Variants in PALM observed in about 807,000 individuals in gnomAD.
PALM encodes the protein paralemmin-1.
Under a neutral mutation model 30.7 loss-of-function variants are expected in PALM, and 18 were observed. The observed-to-expected ratio is 0.59, with a 90% CI of 0.41 to 0.87. The LOEUF is 0.87. PALM is among the 40% of genes least tolerant of loss of function. The probability of loss-of-function intolerance (pLI) is 0.00; values close to 1 mark genes in which losing one functional copy is unlikely to be tolerated. For missense variants in PALM, 529 were observed against 555.4 expected (o/e 0.95, Z 0.48); for synonymous variants, 286 against 242.8 (o/e 1.18, Z -1.66).
intron 7 of PALM, among the ~76,000 whole-genome samples, chr19:738,261 T>G (rs886165730): frequency 1.2e-4 from 19 of 152,042 alleles, no homozygotes; most frequent in Admixed American, 7.2e-4. Context: ...GCGTGGTGGC[T>G]CACCCCTGTA....
rs1321412432 is a variant in PALM at position 741,450 on chromosome 19, C to CG, written c.634+970dup. ...GACGGGCTGCAGGGGTGAGGGGAGA[C>CG]GGGCTGCAGGGGTGAGGGGAGACGG... On this transcript the variant is annotated intron_variant, in intron 8 of 8. Transcript: ENST00000338448. Among the ~76,000 whole-genome samples, 77 of 118,408 alleles carry CG rather than the reference C, an allele frequency of 6.5e-4. 1 individual carries two copies. In the East Asian group the frequency reaches 6.5e-3, roughly 10 times the overall value. 77.7% of individuals were successfully genotyped at this position (118,408 alleles called of 152,430 possible). A position where few individuals can be genotyped will look rare whatever the true frequency, so the allele number is the denominator to read the frequency against.
chr19:719,567 A>G (rs1190821755), intron 1 of PALM: 1 of 986,364 alleles, frequency 1.0e-6, no homozygotes, highest in African/African-American at 1.7e-5. Context: ...GACCCCCAGC[A>G]CCTGCCCTGG....
chr19:731,381 A>C, intron 5 of PALM, 136 bp downstream of exon 5: 41 of 840,316 alleles, frequency 4.9e-5, no homozygotes, highest in Non-Finnish European at 7.0e-5. Context: ...TTTCCAGCTC[A>C]CCGGAGCCAC....
chr19:742,099 A>G lies in PALM; in HGVS notation c.634+1616A>G, dbSNP rs8113525. 1.9e-4 allele frequency among the ~76,000 whole-genome samples: 29 copies of G among 152,074 alleles called. No individual in the cohort carries two copies. The highest frequency in any genetic ancestry group is 6.3e-4 in the African/African-American group (26 of 41,436). On this transcript the variant is annotated intron_variant, in intron 8 of 8. Transcript: ENST00000338448. The surrounding 1 kb of genome is among the most constrained non-coding windows in gnomAD (Gnocchi z 5.5). ...CTGGGCCCGGGACATTGAGGCTGCA[A>G]TGAGCTATGATGGCACCCCTGCACT...
intron 1 of PALM, among the ~76,000 whole-genome samples, chr19:718,416 T>C (rs755624957): frequency 3.3e-5 from 5 of 151,804 alleles, no homozygotes; most frequent in Non-Finnish European, 7.4e-5. Flanking sequence ...GTGGCTGGAG[T>C]GCAGTCGCGT....
intron 1 of PALM, among the ~76,000 whole-genome samples, chr19:714,568 C>T (rs1017877578): frequency 4.8e-5 from 7 of 147,298 alleles, no homozygotes; most frequent in African/African-American, 1.8e-4. Context: ...CCATGTTAAC[C>T]AGGATGGTCT....
rs77712692 is a variant in PALM at position 731,382 on chromosome 19, C to G, written c.420+137C>G. 6.3e-3 allele frequency: 5,359 copies of G among 850,716 alleles called. 176 individuals are homozygous for G. In the African/African-American group the frequency reaches 0.076, roughly 12 times the overall value. 52.7% of individuals were successfully genotyped at this position (850,716 alleles called of 1,614,324 possible). On this transcript the variant is annotated intron_variant, in intron 5 of 8. Coordinates refer to ENST00000338448, the MANE Select transcript of PALM (RefSeq NM_002579.3). ...AGCCAGGCACTTGATTTCCAGCTCACCGGAGCCACTTCCCAGCTGTGTGAG... is the reference window on the plus strand; with the variant it reads ...AGCCAGGCACTTGATTTCCAGCTCAGCGGAGCCACTTCCCAGCTGTGTGAG...
intron 1 of PALM, among the ~76,000 whole-genome samples, chr19:725,483 C>T (rs1475853519): frequency 1.3e-5 from 2 of 152,178 alleles, no homozygotes; most frequent in Non-Finnish European, 2.9e-5. Flanking sequence ...ATCGCTTGAA[C>T]CCAGGAGGCG....
chr19:741,244 G>A lies in PALM; in HGVS notation c.634+761G>A, dbSNP rs2033177610. Among the ~76,000 whole-genome samples, 6 of 152,132 alleles carry A rather than the reference G, an allele frequency of 3.9e-5. No homozygotes were observed. The South Asian group carries it at 1.2e-3, about 31-fold the overall frequency. On this transcript the variant is annotated intron_variant, in intron 8 of 8. Coordinates refer to ENST00000338448, the MANE Select transcript of PALM (RefSeq NM_002579.3). ...TCTCACAGGGTGAGGATGGGGCCGG[G>A]GGAGGCTTCCCAGAGGAGGCAAGCA... is the stretch of plus-strand genomic sequence containing the variant.
chr19:727,005 CAGGAGAA>C lies in PALM; in HGVS notation c.58-2_62del. 1 of 1,533,606 alleles carries C rather than the reference CAGGAGAA, an allele frequency of 6.5e-7. No individual in the cohort carries two copies. Among genetic ancestry groups the C allele is most frequent in the Non-Finnish European group, 8.8e-7 (1 of 1,132,956 alleles). 95.0% of individuals were successfully genotyped at this position (1,533,606 alleles called of 1,614,324 possible). On this transcript the variant is annotated splice_acceptor_variant and coding_sequence_variant, in exon 3 of 9. Coordinates refer to ENST00000338448, the MANE Select transcript of PALM (RefSeq NM_002579.3). LOFTEE classifies it high-confidence loss of function. Reference sequence around the variant, plus strand: ...CCCTGACCCCACCCGGCCCTCCCCACAGGAGAAGCGGAAGCGGCAGGCGGAGATCGAG... The same window carrying C: ...CCCTGACCCCACCCGGCCCTCCCCACGCGGAAGCGGCAGGCGGAGATCGAG...
intron 1 of PALM, among the ~76,000 whole-genome samples, chr19:720,646 CA>C (rs890542308): frequency 4.4e-5 from 4 of 89,956 alleles, no homozygotes; most frequent in African/African-American, 1.4e-4. Flanking sequence ...CTGCGGGGGC[CA>C]GGGGGGCGCG....
At chr19:713,396 G>C (rs2032148714) in intron 1 of PALM, among the ~76,000 whole-genome samples, 1 of 152,100 alleles carries the variant, frequency 6.6e-6, no homozygotes, top group African/African-American at 2.4e-5. Flanking sequence ...GGGCCTCACT[G>C]TTCTCATCTG....
intron 8 of PALM, among the ~76,000 whole-genome samples, chr19:741,819 G>A (rs1396806981): frequency 6.6e-6 from 1 of 152,064 alleles, no homozygotes; most frequent in Non-Finnish European, 1.5e-5. Flanking sequence ...CCACACTGAA[G>A]CCCCACTCTC....
At chr19:739,433 G>T (rs1568232319) in intron 7 of PALM, among the ~76,000 whole-genome samples, 1 of 152,132 alleles carries the variant, frequency 6.6e-6, no homozygotes, top group African/African-American at 2.4e-5. Flanking sequence ...TAATCCCAGG[G>T]CTTTGGGAGG....
intron 6 of PALM, chr19:734,471 A>C: frequency 2.1e-6 from 1 of 474,632 alleles, no homozygotes; most frequent in Non-Finnish European, 3.8e-6. Flanking sequence ...AGGCTGAGGC[A>C]GGAGGATCGA....
rs1004923800 is a variant in PALM, at chr19:746,880, C to A, written c.*66C>A. 4 of 929,616 alleles carry A rather than the reference C, an allele frequency of 4.3e-6. No individual in the cohort carries two copies. Among genetic ancestry groups the A allele is most frequent in the Non-Finnish European group, 6.3e-6 (4 of 631,394 alleles). 57.6% of individuals were successfully genotyped at this position (929,616 alleles called of 1,614,324 possible). On this transcript the variant is annotated 3_prime_UTR_variant, in exon 9 of 9. Coordinates refer to ENST00000338448, the MANE Select transcript of PALM (RefSeq NM_002579.3). The surrounding 1 kb of genome is among the most constrained non-coding windows in gnomAD (Gnocchi z 7.1). ...CACCCACCAGCCCGGCCCCTCCCGGCGCCTGCCCACCCTCCACCCACAGCC... is the reference window on the plus strand; with the variant it reads ...CACCCACCAGCCCGGCCCCTCCCGGAGCCTGCCCACCCTCCACCCACAGCC...
Position 727,594 on chromosome 19 carries a change from G to T in PALM, c.169G>T (p.Glu57Ter). ...GGCACTGCGGGAGCGCTGGCTGCTGGAGGGGACGCCGTCCTCGGCCTCAGA... is the reference window on the plus strand; with the variant it reads ...GGCACTGCGGGAGCGCTGGCTGCTGTAGGGGACGCCGTCCTCGGCCTCAGA... Reference protein sequence around the residue: ...SKALRERWLLEGTPSSASEGD... With the variant: ...SKALRERWLL The change falls in exon 4 of 9, where the codon GAG (glutamate) becomes TAG (stop). Residue 57 changes from glutamate (E) to a stop codon, truncating the protein, a stop_gained. Transcript: ENST00000338448. LOFTEE classifies it high-confidence loss of function. 6.3e-7 allele frequency: 1 copy of T among 1,588,382 alleles called. No homozygotes were observed. Among genetic ancestry groups the T allele is most frequent in the Non-Finnish European group, 8.6e-7 (1 of 1,168,378 alleles).
chr19:714,819 ATGTTT>A (rs987803936), intron 1 of PALM, among the ~76,000 whole-genome samples: 9 of 151,858 alleles, frequency 5.9e-5, no homozygotes, highest in African/African-American at 2.2e-4. Flanking sequence ...GCTAATTATT[ATGTTT>A]TGTTTTGTTT....
chr19:740,007 A>G (rs1330466903), intron 7 of PALM, among the ~76,000 whole-genome samples: 1 of 152,206 alleles, frequency 6.6e-6, no homozygotes, highest in Admixed American at 6.5e-5. Flanking sequence ...GGCTTTCCAG[A>G]TGGGCTGGGC....
Sources: allele counts gnomAD v4.1 joint callset (sites outside exome capture counted in the v4.1 genomes callset), GRCh38; gene constraint gnomAD v4.1.1; non-coding constraint Gnocchi (gnomAD v3.1); transcripts MANE v1.5; gene names NCBI Gene and HGNC (gene_info 2026-07-23, HGNC 2026-07-21).